KY: variants seen among roughly 807,000 people sequenced by gnomAD.
KY encodes kyphoscoliosis peptidase.
Under a neutral mutation model 76.1 loss-of-function variants are expected in KY, and 43 were observed. That is an observed-to-expected ratio of 0.57 (90% confidence interval 0.44 to 0.73). KY has a LOEUF of 0.73. Among genes scored for constraint, KY ranks in the 30% least tolerant of loss-of-function variants. The probability of loss-of-function intolerance (pLI) is 0.00; values close to 1 mark genes in which losing one functional copy is unlikely to be tolerated. For synonymous variants in KY, 277 were observed against 326.2 expected (o/e 0.85, Z 1.63); for missense variants, 722 against 828.9 (o/e 0.87, Z 1.58).
chr3:134,617,532 A>G (rs1961781903), intron 8 of KY, among the ~76,000 whole-genome samples: 1 of 152,232 alleles, frequency 6.6e-6, no homozygotes, highest in African/African-American at 2.4e-5. Context: ...TGCACAGAAC[A>G]CAGTCTGGAA....
At chr3:134,605,667 A>T (rs1369485926) in intron 10 of KY, among the ~76,000 whole-genome samples, 1 of 151,676 alleles carries the variant, frequency 6.6e-6, no homozygotes, top group East Asian at 1.9e-4. Context: ...ACTCCCACAC[A>T]TCCCCCCACT....
chr3:134,649,945 T>A (rs1966845274), intron 1 of KY, among the ~76,000 whole-genome samples: 1 of 152,194 alleles, frequency 6.6e-6, no homozygotes, highest in African/African-American at 2.4e-5. Flanking sequence ...CTGTCAGGCC[T>A]AACTCCTAAA....
Position 134,601,755 on chromosome 3 carries a change from T to C in KY, c.*1824A>G, listed in dbSNP as rs906754978. Among the ~76,000 whole-genome samples the C allele has an allele frequency of 6.6e-5, 10 of 152,308 alleles. No homozygotes were observed. The highest frequency in any genetic ancestry group is 2.4e-4 in the African/African-American group (10 of 41,578). ...TCGAGGCCGCCGGCCTGTTGGATGA[T>C]GGGCACCCTTGTGAGCTGGTTCTGG... On this transcript the variant is annotated 3_prime_UTR_variant, in exon 11 of 11. Coordinates refer to ENST00000423778, the MANE Select transcript of KY (RefSeq NM_178554.6).
rs1961060231 is a variant in KY at position 134,614,154 on chromosome 3, C to T, written c.711-3771G>A. ...GTCTATAAGCAAAGACCTGGAGAGCCCAAAGGTGGAGGAATTAACTTTGCA... is the reference window on the plus strand; with the variant it reads ...GTCTATAAGCAAAGACCTGGAGAGCTCAAAGGTGGAGGAATTAACTTTGCA... On this transcript the variant is annotated intron_variant, in intron 8 of 10. Coordinates refer to ENST00000423778, the MANE Select transcript of KY (RefSeq NM_178554.6). Among the ~76,000 whole-genome samples the T allele has an allele frequency of 2.0e-5, 3 of 152,014 alleles. No homozygotes were observed. In the South Asian group the frequency reaches 6.2e-4, roughly 32 times the overall value.
intron 10 of KY, chr3:134,607,938 G>A: frequency 1.0e-6 from 1 of 993,362 alleles, no homozygotes; most frequent in Non-Finnish European, 1.2e-6. Flanking sequence ...GGGGCTTACT[G>A]TGTCCCCGCC....
intron 1 of KY, among the ~76,000 whole-genome samples, chr3:134,648,436 T>C (rs1966699645): frequency 6.6e-6 from 1 of 152,174 alleles, no homozygotes; most frequent in African/African-American, 2.4e-5. Context: ...ACATAGACTT[T>C]TGGGATAAGA....
chr3:134,608,081 C>G lies in KY; in HGVS notation c.1090+568G>C, dbSNP rs545304012. The G allele has an allele frequency of 4.5e-6, 5 of 1,109,442 alleles. No individual in the cohort carries two copies. The East Asian group carries it at 2.1e-4, about 46-fold the overall frequency. The allele number at this position is 1,109,442 out of a possible 1,614,324, so 68.7% of individuals were successfully genotyped here. On this transcript the variant is annotated intron_variant, in intron 10 of 10. Transcript: ENST00000423778. ...TCTCTGTCTTGGGTGGGACTGCCCC[C>G]ACCTGTCCTGGGAGACCCATGTTGC...
intron 1 of KY, 58 bp from the exon 2 acceptor site, chr3:134,647,555 A>G: frequency 6.8e-6 from 7 of 1,035,424 alleles, no homozygotes; most frequent in Middle Eastern, 2.0e-4. Context: ...GTGATGTACC[A>G]GTTGCAGACT....
rs1161715255 is a variant in KY, at chr3:134,604,178, T to C, written c.1387A>G (p.Ile463Val). The C allele has an allele frequency of 2.5e-6, 4 of 1,610,554 alleles. No homozygotes were observed. In the South Asian group the frequency reaches 4.4e-5, roughly 18 times the overall value. Reference protein sequence around the residue: ...GPSWFSEQMGIMKPSHPDPII... With the variant: ...GPSWFSEQMGVMKPSHPDPII... The stretch of plus-strand genomic sequence containing the variant: ...GGGTCAGGGTGGGAGGGCTTCATGA[T>C]GCCCATCTGCTCCGAGAACCAGCTG... The change falls in exon 11 of 11, where the codon ATC becomes GTC. Residue 463 changes from isoleucine (I) to valine (V), a missense_variant. Transcript: ENST00000423778.
At chr3:134,620,314 C>G (rs2107832902) in intron 7 of KY, among the ~76,000 whole-genome samples, 1 of 152,290 alleles carries the variant, frequency 6.6e-6, no homozygotes, top group South Asian at 2.1e-4. Flanking sequence ...GGAGAACCCG[C>G]TTTTCCTGGC....
intron 8 of KY, among the ~76,000 whole-genome samples, chr3:134,613,623 G>T (rs1960940221): frequency 6.6e-6 from 1 of 152,182 alleles, no homozygotes; most frequent in African/African-American, 2.4e-5. Context: ...GGAGAAGCTG[G>T]GAAGGCTGTG....
intron 8 of KY, chr3:134,615,447 A>T (rs545330340): frequency 1.1e-3 from 163 of 147,874 alleles, no homozygotes; most frequent in African/African-American, 4.0e-3. Flanking sequence ...TGGTAAGTTA[A>T]TTTTTTTTCT....
intron 8 of KY, among the ~76,000 whole-genome samples, chr3:134,615,896 G>A (rs4955546): frequency 0.62 from 94,615 of 152,064 alleles, 29,960 homozygotes; most frequent in East Asian, 0.87. Flanking sequence ...AGTGACAGCT[G>A]GAGGATGAGT....
rs1880375 is a variant in KY, at chr3:134,603,321, C to A, written c.*258G>T. On this transcript the variant is annotated 3_prime_UTR_variant, in exon 11 of 11. Transcript: ENST00000423778. ...CATCTGGATGCAGGTGTACAGTTTA[C>A]AATACCTTAGATTTACATAGCACCT... is the stretch of plus-strand genomic sequence containing the variant. The A allele has an allele frequency of 0.64, 253,212 of 393,332 alleles. 83,103 individuals carry two copies. The highest frequency in any genetic ancestry group is 0.82 in the East Asian group (20,108 of 24,392). 24.4% of individuals were successfully genotyped at this position (393,332 alleles called of 1,614,324 possible). A position where few individuals can be genotyped will look rare whatever the true frequency, so the allele number is the denominator to read the frequency against.
chr3:134,612,084 G>C (rs1238207661), intron 8 of KY, among the ~76,000 whole-genome samples: 1 of 152,154 alleles, frequency 6.6e-6, no homozygotes, highest in African/African-American at 2.4e-5. Flanking sequence ...CTCACCTGTG[G>C]AAAGTCCGGG....
intron 1 of KY, among the ~76,000 whole-genome samples, chr3:134,650,367 G>T (rs1017533207): frequency 6.6e-6 from 1 of 152,128 alleles, no homozygotes; most frequent in African/African-American, 2.4e-5. Flanking sequence ...ATTGTGCAAG[G>T]CCACACAGGG....
Position 134,601,820 on chromosome 3 carries a change from G to C in KY, c.*1759C>G, listed in dbSNP as rs984205072. Among the ~76,000 whole-genome samples the C allele has an allele frequency of 1.3e-5, 2 of 152,258 alleles. No homozygotes were observed. The highest frequency in any genetic ancestry group is 4.8e-5 in the African/African-American group (2 of 41,464). On this transcript the variant is annotated 3_prime_UTR_variant, in exon 11 of 11. Coordinates refer to ENST00000423778, the MANE Select transcript of KY (RefSeq NM_178554.6). ...CTGGGTGGCAGTGGGGACTTTTAGGGGAGGGATCCCGGGGGATAATGAACA... is the reference window on the plus strand; with the variant it reads ...CTGGGTGGCAGTGGGGACTTTTAGGCGAGGGATCCCGGGGGATAATGAACA...
intron 1 of KY, among the ~76,000 whole-genome samples, chr3:134,650,329 C>T (rs1966851361): frequency 6.6e-6 from 1 of 152,154 alleles, no homozygotes; most frequent in African/African-American, 2.4e-5. Context: ...GGGAGAAAGT[C>T]TCAAGAAAGG....
intron 4 of KY, 190 bp downstream of exon 4, chr3:134,629,431 C>T: frequency 1.8e-6 from 1 of 558,350 alleles, no homozygotes; most frequent in East Asian, 2.8e-5. Flanking sequence ...GATGCAAAAT[C>T]AGCGGTAGCT....
Sources: gnomAD v4.1 joint callset for allele counts (sites outside exome capture counted in the v4.1 genomes callset) on GRCh38, gnomAD v4.1.1 for gene constraint, MANE v1.5 for transcripts, NCBI Gene and HGNC (gene_info 2026-07-23, HGNC 2026-07-21) for gene names.